Variants in RNF115 observed in about 807,000 individuals in gnomAD.
RNF115 encodes the protein ring finger protein 115.
In RNF115, 31 loss-of-function variants were observed where a neutral mutation model predicts 39.2. The observed-to-expected ratio is 0.79, with a 90% CI of 0.59 to 1.07. The LOEUF (loss-of-function observed/expected upper bound fraction) is 1.07, where lower values mean the gene tolerates loss of function less well. Among genes scored for constraint, RNF115 ranks in the 50% least tolerant of loss-of-function variants. RNF115 has a pLI of 0.00. For missense variants in RNF115, 384 were observed against 381.7 expected, an observed-to-expected ratio of 1.01 and a Z score of -0.05; for synonymous variants, 124 against 131.0, an observed-to-expected ratio of 0.95 and a Z score of 0.37.
intron 1 of RNF115, among the ~76,000 whole-genome samples, chr1:145,793,988 C>T (rs1553719380): frequency 6.6e-6 from 1 of 152,106 alleles, no homozygotes; most frequent in East Asian, 1.9e-4. Context: ...GGATTACAGG[C>T]ATGTGCCACC....
intron 4 of RNF115, among the ~76,000 whole-genome samples, chr1:145,764,831 C>T (rs1419818701): frequency 1.3e-5 from 2 of 151,600 alleles, no homozygotes; most frequent in Non-Finnish European, 2.9e-5. Flanking sequence ...CCAGCCGCCC[C>T]GTCCGGGAGG....
chr1:145,794,624 G>A (rs985171450), intron 1 of RNF115, among the ~76,000 whole-genome samples: 3 of 147,478 alleles, frequency 2.0e-5, no homozygotes, highest in East Asian at 3.9e-4. Context: ...TCCCAGTCAC[G>A]GTTCTGTGTC....
chr1:145,808,647 T>C (rs1159000910), intron 1 of RNF115, among the ~76,000 whole-genome samples: 2 of 152,206 alleles, frequency 1.3e-5, no homozygotes, highest in African/African-American at 4.8e-5. Flanking sequence ...AAAGTAAATG[T>C]ACCATTATAA....
intron 3 of RNF115, among the ~76,000 whole-genome samples, chr1:145,774,986 C>T (rs587747867): frequency 1.2e-4 from 18 of 152,258 alleles, no homozygotes; most frequent in East Asian, 1.9e-4. Context: ...GTGGCTTATG[C>T]CTGTAATCCT....
intron 3 of RNF115, among the ~76,000 whole-genome samples, chr1:145,777,056 C>A (rs1647919197): frequency 6.6e-6 from 1 of 152,140 alleles, no homozygotes; most frequent in Non-Finnish European, 1.5e-5. Flanking sequence ...AAACCTAAAA[C>A]TATACTTGTC....
chr1:145,751,770 A>C (rs1159257581), intron 5 of RNF115, among the ~76,000 whole-genome samples: 2 of 152,242 alleles, frequency 1.3e-5, no homozygotes, highest in Non-Finnish European at 2.9e-5. Context: ...ACGCCAGAAC[A>C]AAAAGAGTGA....
At chr1:145,751,605 C>A in intron 5 of RNF115, 95 bp from the exon 6 acceptor site, 1 of 740,820 alleles carries the variant, frequency 1.3e-6, no homozygotes, top group Non-Finnish European at 2.3e-6. Flanking sequence ...TGTTCTCTCT[C>A]AGAGCTGGAA....
intron 3 of RNF115, among the ~76,000 whole-genome samples, chr1:145,783,252 A>C (rs1467849571): frequency 6.6e-6 from 1 of 152,182 alleles, no homozygotes; most frequent in Non-Finnish European, 1.5e-5. Context: ...GAATCACTCT[A>C]ATCAACCCGG....
At chr1:145,770,979 G>C (rs1248987783) in intron 4 of RNF115, among the ~76,000 whole-genome samples, 3 of 152,142 alleles carry the variant, frequency 2.0e-5, no homozygotes, top group Non-Finnish European at 4.4e-5. Flanking sequence ...ACAAAAAGCA[G>C]ATACTTGATT....
intron 1 of RNF115, among the ~76,000 whole-genome samples, chr1:145,801,189 A>C (rs1649228421): frequency 6.6e-6 from 1 of 152,202 alleles, no homozygotes; most frequent in South Asian, 2.1e-4. Flanking sequence ...CTCAAAAAAA[A>C]AGAAAAAGAA....
At chr1:145,782,955 G>A (rs868950581) in intron 3 of RNF115, among the ~76,000 whole-genome samples, 22 of 152,156 alleles carry the variant, frequency 1.4e-4, no homozygotes, top group Non-Finnish European at 2.9e-4. Context: ...TCTGCCTCCC[G>A]GGTTCAAGCG....
In RNF115 at chr1:145,743,284, G is replaced by C. The variant is rs1327944768; in HGVS notation, c.*3582C>G. ...GAAGGTCTGAATAGAACAAGTAAGG[G>C]AGAAGTCCTCCTGCCTGACTGCTTG... On this transcript the variant is annotated 3_prime_UTR_variant, in exon 9 of 9. Coordinates refer to ENST00000582693, the MANE Select transcript of RNF115 (RefSeq NM_014455.4). 6.6e-6 allele frequency: 1 copy of C among 152,182 alleles called. No homozygotes were observed. The highest frequency in any genetic ancestry group is 2.4e-5 in the African/African-American group (1 of 41,384). 9.4% of individuals were successfully genotyped at this position (152,182 alleles called of 1,614,324 possible).
At chr1:145,767,800 G>A (rs1416997159) in intron 4 of RNF115, among the ~76,000 whole-genome samples, 2 of 152,256 alleles carry the variant, frequency 1.3e-5, no homozygotes, top group Admixed American at 6.5e-5. Context: ...GCGAAACCCC[G>A]TCTCCACCAT....
At chr1:145,796,867 A>G (rs1649009784) in intron 1 of RNF115, among the ~76,000 whole-genome samples, 1 of 151,976 alleles carries the variant, frequency 6.6e-6, no homozygotes, top group African/African-American at 2.4e-5. Flanking sequence ...CTATGAATTT[A>G]TAATTTTTGA....
chr1:145,796,186 C>T (rs587631694), intron 1 of RNF115, among the ~76,000 whole-genome samples: 41 of 152,328 alleles, frequency 2.7e-4, no homozygotes, highest in African/African-American at 8.4e-4. Context: ...TCTGGATTCA[C>T]ACAAGTCACT....
At chr1:145,803,551 G>C (rs782734306) in intron 1 of RNF115, among the ~76,000 whole-genome samples, 120 of 152,262 alleles carry the variant, frequency 7.9e-4, no homozygotes, top group Middle Eastern at 3.4e-3. Flanking sequence ...ATTATGCCCA[G>C]CTAATTTTTG....
At chr1:145,794,067 C>T (rs1185162362) in intron 1 of RNF115, among the ~76,000 whole-genome samples, 4 of 152,272 alleles carry the variant, frequency 2.6e-5, no homozygotes, top group African/African-American at 9.6e-5. Context: ...TGGTCTCGAA[C>T]TCCTGACCTC....
chr1:145,766,524 G>C (rs1368214512), intron 4 of RNF115, among the ~76,000 whole-genome samples: 3 of 151,506 alleles, frequency 2.0e-5, no homozygotes, highest in Non-Finnish European at 4.4e-5. Flanking sequence ...CCTCCCAGAC[G>C]GGGTGGTGGC....
At chr1:145,800,094 T>C (rs1439450316) in intron 1 of RNF115, among the ~76,000 whole-genome samples, 1 of 152,226 alleles carries the variant, frequency 6.6e-6, no homozygotes, top group African/African-American at 2.4e-5. Flanking sequence ...ATGATAAAGT[T>C]TGTTTTAAGT....
Sources: gnomAD v4.1 joint callset for allele counts (sites outside exome capture counted in the v4.1 genomes callset) on GRCh38, gnomAD v4.1.1 for gene constraint, MANE v1.5 for transcripts, NCBI Gene and HGNC (gene_info 2026-07-23, HGNC 2026-07-21) for gene names.